Variants in LRRC66 observed in about 807,000 individuals in gnomAD.
LRRC66 encodes leucine rich repeat containing 66.
LRRC66 carries 29 observed loss-of-function variants against 24.6 expected under a neutral mutation model. The observed-to-expected ratio is 1.18, with a 90% CI of 0.88 to 1.61. LRRC66 has a LOEUF of 1.61. Ranked by LOEUF, LRRC66 falls within the 40% of genes most tolerant of loss-of-function variation. The pLI is 0.00. For synonymous variants in LRRC66, 411 were observed against 397.6 expected (o/e 1.03, Z -0.40); for missense variants, 1,124 against 1,058.0 (o/e 1.06, Z -0.87).
At chr4:52,000,611 C>T (rs1196305896) in intron 3 of LRRC66, among the ~76,000 whole-genome samples, 2 of 152,220 alleles carry the variant, frequency 1.3e-5, no homozygotes, top group Admixed American at 1.3e-4. Context: ...CTCGATGGCT[C>T]TGAAGCAAGC....
At position 51,994,740 on chromosome 4, in the gene LRRC66, G is replaced by C; in HGVS notation, c.2282C>G (p.Thr761Arg). Reference protein sequence around the residue: ...DSLEENVTFQTIPGKCKNQED... With the variant: ...DSLEENVTFQRIPGKCKNQED... ...TTGATTCTTGCATTTCCCTGGAATT[G>C]TTTGGAAGGTAACATTTTCCTCAAG... The change falls in exon 5 of 5, where the codon ACA becomes AGA. Residue 761 changes from threonine to arginine, a missense_variant. Thr to Arg is a moderately conservative substitution (Grantham distance 71, BLOSUM62 -1). Transcript: ENST00000682860. 6.2e-7 allele frequency: 1 copy of C among 1,614,208 alleles called. No individual in the cohort carries two copies. Among genetic ancestry groups the C allele is most frequent in the Non-Finnish European group, 8.5e-7 (1 of 1,180,026 alleles).
Position 52,005,448 on chromosome 4 carries a change from A to G in LRRC66, c.497-2056T>C, listed in dbSNP as rs532983288. On this transcript the variant is annotated intron_variant, in intron 2 of 4. Transcript: ENST00000682860. ...CAGGAGTTCAAGACCAGCCTGGGCA[A>G]CGTGGTGAAACCCTGTCTCTACTAA... 2.0e-5 allele frequency among the ~76,000 whole-genome samples: 3 copies of G among 152,244 alleles called. No individual in the cohort carries two copies. In the East Asian group the frequency reaches 5.8e-4, roughly 29 times the overall value.
At position 51,994,175 on chromosome 4, in the gene LRRC66, T is replaced by C. The variant is rs906849198; in HGVS notation, c.*204A>G. 1 of 553,944 alleles carries C rather than the reference T, an allele frequency of 1.8e-6. No individual in the cohort carries two copies. The highest frequency in any genetic ancestry group is 3.1e-6 in the Non-Finnish European group (1 of 317,676). 34.3% of individuals were successfully genotyped at this position (553,944 alleles called of 1,614,324 possible). ...AGAGCAGGTTCATCCCCATAGGATGTTAACAAGTGTGTTTAGCTTATAACC... is the reference window on the plus strand; with the variant it reads ...AGAGCAGGTTCATCCCCATAGGATGCTAACAAGTGTGTTTAGCTTATAACC... On this transcript the variant is annotated 3_prime_UTR_variant, in exon 5 of 5. Transcript: ENST00000682860.
chr4:52,011,497 A>C (rs905816044), intron 2 of LRRC66, among the ~76,000 whole-genome samples: 2 of 152,230 alleles, frequency 1.3e-5, no homozygotes, highest in Admixed American at 1.3e-4. Flanking sequence ...GAACAGAGGC[A>C]CCCAGACTGT....
At chr4:52,003,811 T>C (rs145040765) in intron 2 of LRRC66, among the ~76,000 whole-genome samples, 1,852 of 152,320 alleles carry the variant, frequency 0.012, 19 homozygotes, top group Non-Finnish European at 0.017. Flanking sequence ...GAATTCTTTC[T>C]TTCAATGAGC....
chr4:51,997,991 T>A, intron 3 of LRRC66, 54 bp from the exon 4 acceptor site: 1 of 1,465,080 alleles, frequency 6.8e-7, no homozygotes, highest in Middle Eastern at 1.8e-4. Context: ...CATTTACAGA[T>A]AAAATAAATG....
intron 3 of LRRC66, among the ~76,000 whole-genome samples, chr4:51,999,126 T>C (rs1334874629): frequency 6.6e-6 from 1 of 152,000 alleles, no homozygotes; most frequent in African/African-American, 2.4e-5. Flanking sequence ...GGCACCAGGG[T>C]GGCTCATGAG....
intron 2 of LRRC66, among the ~76,000 whole-genome samples, chr4:52,008,964 C>T (rs1736643525): frequency 6.6e-6 from 1 of 152,122 alleles, no homozygotes; most frequent in African/African-American, 2.4e-5. Context: ...ACAATACCTG[C>T]ACAAAGGACA....
Position 52,006,219 on chromosome 4 carries a change from A to T in LRRC66, c.497-2827T>A, listed in dbSNP as rs528479985. On this transcript the variant is annotated intron_variant, in intron 2 of 4. Coordinates refer to ENST00000682860, the MANE Select transcript of LRRC66 (RefSeq NM_001024611.3). ...TTACTGGGTATATACCCAAAGGACT[A>T]TAAATCATGCTGCTATAAAGACACA... is the stretch of plus-strand genomic sequence containing the variant. 3.9e-5 allele frequency among the ~76,000 whole-genome samples: 6 copies of T among 152,316 alleles called. No homozygotes were observed. In the East Asian group the frequency reaches 1.2e-3, roughly 29 times the overall value.
rs762175753 is a variant in LRRC66 at position 51,994,472 on chromosome 4, G to C, written c.2550C>G (p.Asp850Glu). Residue 850 changes from aspartate to glutamate, a missense_variant, in exon 5 of 5, where the codon GAC becomes GAG. By Grantham distance (45) the Asp-to-Glu change is conservative. Transcript: ENST00000682860. ...AACATGGTGGTGTTTGCTGTAAAAC[G>C]TCCACATTTGAAAATTCTAAGTCTC... The part of the protein sequence containing the change: ...SLRDLEFSNV[D>E]VLQQTPPCSA... 5.0e-6 allele frequency: 8 copies of C among 1,614,068 alleles called. No homozygotes were observed. In the Admixed American group the frequency reaches 1.3e-4, roughly 27 times the overall value.
intron 4 of LRRC66, among the ~76,000 whole-genome samples, chr4:51,997,432 A>G (rs888004529): frequency 6.6e-6 from 1 of 152,186 alleles, no homozygotes; most frequent in African/African-American, 2.4e-5. Context: ...CAGCTTGTCT[A>G]TGGTTCTTGA....
At chr4:52,016,137 C>G (rs770879213) in intron 2 of LRRC66, among the ~76,000 whole-genome samples, 1 of 152,148 alleles carries the variant, frequency 6.6e-6, no homozygotes, top group Non-Finnish European at 1.5e-5. Context: ...GACGCCCACC[C>G]TTCTCAAACA....
At chr4:52,020,064 A>G (rs1033497665) in intron 1 of LRRC66, among the ~76,000 whole-genome samples, 16 of 152,110 alleles carry the variant, frequency 1.1e-4, no homozygotes, top group African/African-American at 3.9e-4. Context: ...GTAAATTTCA[A>G]AATGGAAATA....
At chr4:52,018,210 C>A (rs942070198) in intron 1 of LRRC66, 3 of 985,308 alleles carry the variant, frequency 3.0e-6, no homozygotes, top group Non-Finnish European at 2.4e-6. Context: ...TAGATACATA[C>A]AACATAATGT....
intron 2 of LRRC66, among the ~76,000 whole-genome samples, chr4:52,015,609 C>T (rs1736790911): frequency 6.6e-6 from 1 of 152,176 alleles, no homozygotes; most frequent in South Asian, 2.1e-4. Flanking sequence ...TATGTTACTA[C>T]AGACAACAGA....
At position 51,995,331 on chromosome 4, in the gene LRRC66, G is replaced by C. The variant is rs567196129; in HGVS notation, c.1691C>G (p.Ala564Gly). The change falls in exon 5 of 5, where the codon GCT becomes GGT. Residue 564 changes from alanine to glycine, a missense_variant. Ala to Gly is a moderately conservative substitution (Grantham distance 60). Transcript: ENST00000682860. Reference sequence around the variant, plus strand: ...ATCATAACGGCTTGAGCCAGAGACAGCGTGAGACGTGCCAGCTACAGAAGA... The same window carrying C: ...ATCATAACGGCTTGAGCCAGAGACACCGTGAGACGTGCCAGCTACAGAAGA... ...GVSSVAGTSHAVSGSSRYDSN... is the reference protein window; with the variant it reads ...GVSSVAGTSHGVSGSSRYDSN... 1 of 1,614,090 alleles carries C rather than the reference G, an allele frequency of 6.2e-7. No individual in the cohort carries two copies. The highest frequency in any genetic ancestry group is 1.3e-5 in the African/African-American group (1 of 74,934).
In LRRC66 at chr4:51,995,736, A is replaced by C; in HGVS notation, c.1286T>G (p.Met429Arg). The C allele has an allele frequency of 6.2e-7, 1 of 1,614,074 alleles. No homozygotes were observed. Among genetic ancestry groups the C allele is most frequent in the Non-Finnish European group, 8.5e-7 (1 of 1,180,010 alleles). The change falls in exon 5 of 5, where the codon ATG (methionine) becomes AGG (arginine). Residue 429 changes from methionine (M) to arginine (R), a missense_variant. By Grantham distance (91) the Met-to-Arg change is moderately conservative. Coordinates refer to ENST00000682860, the MANE Select transcript of LRRC66 (RefSeq NM_001024611.3). ...AYSNEGFYDD[M>R]EAAGHTPHPE... ...GTGTGGTGTGTGCCCCGCAGCTTCCATGTCATCGTAGAAGCCCTCGTTTGA... is the reference window on the plus strand; with the variant it reads ...GTGTGGTGTGTGCCCCGCAGCTTCCCTGTCATCGTAGAAGCCCTCGTTTGA...
intron 3 of LRRC66, 48 bp from the exon 4 acceptor site, chr4:51,997,985 T>C: frequency 6.7e-7 from 1 of 1,497,152 alleles, no homozygotes; most frequent in South Asian, 1.2e-5. Flanking sequence ...TAAAGACATT[T>C]ACAGATAAAA....
intron 3 of LRRC66, among the ~76,000 whole-genome samples, chr4:51,999,375 A>G (rs1736397498): frequency 1.3e-5 from 2 of 152,228 alleles, no homozygotes; most frequent in South Asian, 4.1e-4. Flanking sequence ...ACCATTACAT[A>G]CAGAATCACA....
Sources: gnomAD v4.1 joint callset for allele counts (sites outside exome capture counted in the v4.1 genomes callset) on GRCh38, gnomAD v4.1.1 for gene constraint, MANE v1.5 for transcripts, NCBI Gene and HGNC (gene_info 2026-07-23, HGNC 2026-07-21) for gene names.